Variants in PTPN12 observed in about 807,000 individuals in gnomAD.
PTPN12 encodes tyrosine-protein phosphatase non-receptor type 12.
PTPN12 carries 29 observed loss-of-function variants against 97.6 expected under a neutral mutation model. The observed-to-expected ratio is 0.30, with a 90% CI of 0.22 to 0.41. The LOEUF is 0.41. PTPN12 is among the 10% of genes least tolerant of loss of function. The pLI is 1.00. For missense variants in PTPN12, 819 were observed against 926.0 expected (o/e 0.88, Z 1.50); for synonymous variants, 327 against 300.4 (o/e 1.09, Z -0.91).
intron 14 of PTPN12, among the ~76,000 whole-genome samples, chr7:77,634,749 T>A (rs1275588775): frequency 2.0e-5 from 3 of 151,948 alleles, no homozygotes; most frequent in Non-Finnish European, 4.4e-5. Flanking sequence ...CTAATTTTTT[T>A]GTATTTTTTT....
chr7:77,625,472 G>GCTCGCTCTCTCTCT, intron 12 of PTPN12, among the ~76,000 whole-genome samples: 13 of 33,528 alleles, frequency 3.9e-4, no homozygotes, highest in Non-Finnish European at 5.5e-4. Context: ...CAGGCTGCTC[G>GCTCGCTCTCTCTCT]CTCTCTCTCT....
intron 8 of PTPN12, among the ~76,000 whole-genome samples, chr7:77,601,687 G>A (rs1019711477): frequency 3.3e-5 from 5 of 152,082 alleles, no homozygotes; most frequent in Non-Finnish European, 7.4e-5. Flanking sequence ...CAATCTCAGA[G>A]CTGTTACATT....
intron 2 of PTPN12, among the ~76,000 whole-genome samples, chr7:77,573,987 C>A (rs1787250467): frequency 6.6e-6 from 1 of 152,204 alleles, no homozygotes; most frequent in South Asian, 2.1e-4. Context: ...TCTCGAACTC[C>A]TAACGTCAGG....
intron 1 of PTPN12, among the ~76,000 whole-genome samples, chr7:77,555,094 A>G (rs1005469476): frequency 3.9e-5 from 6 of 151,944 alleles, no homozygotes; most frequent in Non-Finnish European, 8.8e-5. Context: ...TCAATATGAT[A>G]TTTTGTCACT....
intron 2 of PTPN12, among the ~76,000 whole-genome samples, chr7:77,574,439 C>T (rs557768643): frequency 2.0e-5 from 3 of 152,274 alleles, no homozygotes; most frequent in African/African-American, 7.2e-5. Flanking sequence ...AAAAGCTTGT[C>T]ACACAGTTAA....
intron 1 of PTPN12, among the ~76,000 whole-genome samples, chr7:77,539,111 T>C (rs1806823868): frequency 6.6e-6 from 1 of 152,210 alleles, no homozygotes; most frequent in African/African-American, 2.4e-5. Flanking sequence ...TGATATGACT[T>C]AGTAGTGAAT....
chr7:77,554,447 A>G (rs1254363488), intron 1 of PTPN12, among the ~76,000 whole-genome samples: 1 of 152,232 alleles, frequency 6.6e-6, no homozygotes, highest in Non-Finnish European at 1.5e-5. Context: ...ACAAATAAAC[A>G]TACACACACA....
At chr7:77,552,375 T>C (rs911116274) in intron 1 of PTPN12, among the ~76,000 whole-genome samples, 2 of 152,162 alleles carry the variant, frequency 1.3e-5, no homozygotes, top group African/African-American at 4.8e-5. Flanking sequence ...TAATTTCTTG[T>C]CATTGCTTTA....
intron 1 of PTPN12, among the ~76,000 whole-genome samples, chr7:77,552,490 G>T (rs1248507939): frequency 6.6e-5 from 10 of 152,124 alleles, no homozygotes; most frequent in Admixed American, 6.5e-4. Context: ...AGTTGTTAAA[G>T]AAGGTATAGA....
intron 1 of PTPN12, chr7:77,538,168 T>G: frequency 1.1e-6 from 1 of 922,390 alleles, no homozygotes; most frequent in Non-Finnish European, 1.3e-6. Context: ...AGGGTAGGAC[T>G]TAGGCCGTTT....
intron 16 of PTPN12, among the ~76,000 whole-genome samples, chr7:77,637,999 C>T (rs1463044239): frequency 2.4e-5 from 3 of 122,798 alleles, no homozygotes; most frequent in African/African-American, 9.2e-5. Flanking sequence ...GCTCTGTCGC[C>T]CAGGCTGGAG....
chr7:77,561,128 C>T (rs577805254), intron 1 of PTPN12, among the ~76,000 whole-genome samples: 2 of 151,936 alleles, frequency 1.3e-5, no homozygotes, highest in African/African-American at 4.8e-5. Flanking sequence ...GCTGTGTTGC[C>T]CAGACTGGTC....
chr7:77,545,854 C>T (rs1262457157), intron 1 of PTPN12: 3 of 152,148 alleles, frequency 2.0e-5, no homozygotes, highest in Non-Finnish European at 4.4e-5. Flanking sequence ...AGCATACCTA[C>T]TAAATGAATG....
chr7:77,634,994 GCATACACCGTCACTCC>G (rs1313461332), intron 14 of PTPN12, among the ~76,000 whole-genome samples: 9 of 151,990 alleles, frequency 5.9e-5, no homozygotes, highest in African/African-American at 1.5e-4. Flanking sequence ...GCGATTAGAG[GCATACACCGTCACTCC>G]CAACTAATTT....
chr7:77,562,076 CAG>C (rs1238460095), intron 1 of PTPN12, among the ~76,000 whole-genome samples: 3 of 151,966 alleles, frequency 2.0e-5, no homozygotes, highest in Non-Finnish European at 4.4e-5. Flanking sequence ...TTTTTTGAGA[CAG>C]AGTCTCACTC....
intron 5 of PTPN12, among the ~76,000 whole-genome samples, chr7:77,590,045 G>C (rs1053966263): frequency 2.0e-5 from 3 of 152,142 alleles, no homozygotes; most frequent in Admixed American, 2.0e-4. Flanking sequence ...GTGACCTGGT[G>C]GAAAAAGCAT....
At chr7:77,576,185 G>A (rs1787336431) in intron 2 of PTPN12, among the ~76,000 whole-genome samples, 1 of 152,050 alleles carries the variant, frequency 6.6e-6, no homozygotes, top group South Asian at 2.1e-4. Flanking sequence ...ATTCATTCAC[G>A]ATGTAGCATG....
In PTPN12 at chr7:77,625,472, G is replaced by GCTTGCGCGCGCT. The variant is rs1554326598; in HGVS notation, c.1026-1231_1026-1230insTGCGCGCGCTCT. Among the ~76,000 whole-genome samples the GCTTGCGCGCGCT allele has an allele frequency of 1.2e-4, 4 of 33,528 alleles. 1 individual carries two copies. The highest frequency in any genetic ancestry group is 5.3e-4 in the African/African-American group (4 of 7,528). The allele number at this position is 33,528 out of a possible 152,430, so 22.0% of individuals were successfully genotyped here. ...TTTTGCCATATTGCCCAGGCTGCTC[G>GCTTGCGCGCGCT]CTCTCTCTCTCTCTCTCTCTCTCTC... On this transcript the variant is annotated intron_variant, in intron 12 of 17. Coordinates refer to ENST00000248594, the MANE Select transcript of PTPN12 (RefSeq NM_002835.4).
intron 5 of PTPN12, among the ~76,000 whole-genome samples, chr7:77,586,990 TTGCAGTTACTTCCTCTAC>T (rs1325237533): frequency 6.6e-6 from 1 of 152,218 alleles, no homozygotes; most frequent in Non-Finnish European, 1.5e-5. Flanking sequence ...TCCACCACAT[TTGCAGTTACTTCCTCTAC>T]TGAAGTCTTG....
Sources: gnomAD v4.1 joint callset for allele counts (sites outside exome capture counted in the v4.1 genomes callset) on GRCh38, gnomAD v4.1.1 for gene constraint, MANE v1.5 for transcripts, NCBI Gene and HGNC (gene_info 2026-07-23, HGNC 2026-07-21) for gene names.